LHFPL2: variants seen among roughly 807,000 people sequenced by gnomAD.
LHFPL2 encodes the protein LHFPL tetraspan subfamily member 2, also known as LHFPL tetraspan subfamily member 2 protein.
Under a neutral mutation model 17.5 loss-of-function variants are expected in LHFPL2, and 7 were observed. That is an observed-to-expected ratio of 0.40 (90% CI 0.23 to 0.75). The LOEUF is 0.75. Ranked by LOEUF, LHFPL2 falls within the 30% of genes least tolerant of loss-of-function variation. LHFPL2 has a pLI of 0.37. For missense variants in LHFPL2, 241 were observed against 294.8 expected (o/e 0.82, Z 1.34); for synonymous variants, 134 against 116.2 (o/e 1.15, Z -0.99).
chr5:78,553,532 C>T (rs1486066741), intron 3 of LHFPL2, among the ~76,000 whole-genome samples: 1 of 152,186 alleles, frequency 6.6e-6, no homozygotes, highest in African/African-American at 2.4e-5. Context: ...ATCATATCCC[C>T]TCACCCACTA....
chr5:78,577,338 C>T (rs1757158642), intron 2 of LHFPL2, among the ~76,000 whole-genome samples: 1 of 152,150 alleles, frequency 6.6e-6, no homozygotes, highest in South Asian at 2.1e-4. Context: ...CTTAAGTGAC[C>T]TAATTTTTAT....
At chr5:78,520,440 CTCCAAAAG>C (rs556828132) in intron 3 of LHFPL2, among the ~76,000 whole-genome samples, 2 of 152,332 alleles carry the variant, frequency 1.3e-5, no homozygotes, top group Admixed American at 1.3e-4. Context: ...TCACTTTCAG[CTCCAAAAG>C]TCAGTCACTT....
At chr5:78,518,538 C>T (rs1384962749) in intron 3 of LHFPL2, among the ~76,000 whole-genome samples, 1 of 152,230 alleles carries the variant, frequency 6.6e-6, no homozygotes, top group Non-Finnish European at 1.5e-5. Flanking sequence ...ATGCACACTC[C>T]TCAGGGGAAC....
At chr5:78,489,517 T>C (rs1754367699) in intron 4 of LHFPL2, among the ~76,000 whole-genome samples, 1 of 152,100 alleles carries the variant, frequency 6.6e-6, no homozygotes, top group East Asian at 1.9e-4. Context: ...TATCCTCCTG[T>C]CTCAGCCTCC....
chr5:78,627,171 A>G (rs1745073588), intron 2 of LHFPL2, among the ~76,000 whole-genome samples: 1 of 152,210 alleles, frequency 6.6e-6, no homozygotes, highest in African/African-American at 2.4e-5. Context: ...GCCATCAGAC[A>G]TGAGACAGTA....
Position 78,546,351 on chromosome 5 carries a change from C to A in LHFPL2, c.-186+18462G>T, listed in dbSNP as rs545712404. Among the ~76,000 whole-genome samples, 428 of 152,308 alleles carry A rather than the reference C, an allele frequency of 2.8e-3. 2 individuals are homozygous for A. The highest frequency in any genetic ancestry group is 9.9e-3 in the African/African-American group (410 of 41,572). Reference sequence around the variant, plus strand: ...TTCTGAGGCACTCCACTCACTAAAACCATGAGAGGGACACGGCAGCAGTGT... The same window carrying A: ...TTCTGAGGCACTCCACTCACTAAAAACATGAGAGGGACACGGCAGCAGTGT... On this transcript the variant is annotated intron_variant, in intron 3 of 4. Transcript: ENST00000380345.
intron 3 of LHFPL2, among the ~76,000 whole-genome samples, chr5:78,519,687 C>G (rs575094428): frequency 6.6e-6 from 1 of 152,356 alleles, no homozygotes; most frequent in African/African-American, 2.4e-5. Context: ...AAGTATCAAG[C>G]TTAGAACAGC....
In LHFPL2 at chr5:78,645,539, TGCATAC is replaced by T. The variant is rs1162903942; in HGVS notation, c.-350+2954_-350+2959del. On this transcript the variant is annotated intron_variant, in intron 1 of 4. Transcript: ENST00000380345. ...ATTAACCCCAAGATAGACAGACAGA[TGCATAC>T]ACACACACACACACACACACACACA... Among the ~76,000 whole-genome samples the T allele has an allele frequency of 3.6e-5, 4 of 110,366 alleles. No homozygotes were observed. The East Asian group carries it at 1.0e-3, about 28-fold the overall frequency. The allele number at this position is 110,366 out of a possible 152,430, so 72.4% of individuals were successfully genotyped here. A position where few individuals can be genotyped will look rare whatever the true frequency, so the allele number is the denominator to read the frequency against.
chr5:78,563,224 A>G (rs1355332827), intron 3 of LHFPL2, among the ~76,000 whole-genome samples: 2 of 152,232 alleles, frequency 1.3e-5, no homozygotes, highest in Admixed American at 1.3e-4. Context: ...TGAACAGCAC[A>G]TGGCAGTACT....
At chr5:78,521,593 G>A (rs1032339117) in intron 3 of LHFPL2, among the ~76,000 whole-genome samples, 1 of 152,170 alleles carries the variant, frequency 6.6e-6, no homozygotes, top group Non-Finnish European at 1.5e-5. Flanking sequence ...CAGTAAAACT[G>A]AGCTGATTAG....
At chr5:78,512,254 GTC>G (rs1755154096) in intron 3 of LHFPL2, among the ~76,000 whole-genome samples, 1 of 152,052 alleles carries the variant, frequency 6.6e-6, no homozygotes, top group Non-Finnish European at 1.5e-5. Flanking sequence ...AGTCATTCAT[GTC>G]TAAACTTACC....
intron 4 of LHFPL2, among the ~76,000 whole-genome samples, chr5:78,497,637 TAAAC>T (rs1009432957): frequency 6.6e-5 from 10 of 152,372 alleles, no homozygotes; most frequent in Admixed American, 6.5e-4. Flanking sequence ...ATTACATTTT[TAAAC>T]AAAGCCATTG....
intron 2 of LHFPL2, among the ~76,000 whole-genome samples, chr5:78,616,393 C>A (rs1015617058): frequency 3.9e-5 from 6 of 152,104 alleles, no homozygotes; most frequent in East Asian, 3.9e-4. Flanking sequence ...TCCCAAAGTG[C>A]TGGGATTACA....
At chr5:78,582,197 T>C (rs1366526217) in intron 2 of LHFPL2, among the ~76,000 whole-genome samples, 1 of 152,262 alleles carries the variant, frequency 6.6e-6, no homozygotes, top group Non-Finnish European at 1.5e-5. Context: ...TTAGTCTTGC[T>C]AGCAGTTTAT....
chr5:78,592,171 G>A (rs1288837408), intron 2 of LHFPL2, among the ~76,000 whole-genome samples: 3 of 152,224 alleles, frequency 2.0e-5, no homozygotes, highest in African/African-American at 7.2e-5. Flanking sequence ...GAAGTCAAAT[G>A]CGTGGCAACA....
At position 78,573,919 on chromosome 5, in the gene LHFPL2, A is replaced by G. The variant is rs550625704; in HGVS notation, c.-244-9048T>C. 3.0e-3 allele frequency among the ~76,000 whole-genome samples: 460 copies of G among 152,322 alleles called. 3 individuals carry two copies. The highest frequency in any genetic ancestry group is 0.011 in the African/African-American group (440 of 41,576). ...AATGTTTGAATTTTGTATAATAGGAATGAACACTTGTCTCATCAAAAGTGC... is the reference window on the plus strand; with the variant it reads ...AATGTTTGAATTTTGTATAATAGGAGTGAACACTTGTCTCATCAAAAGTGC... On this transcript the variant is annotated intron_variant, in intron 2 of 4. Coordinates refer to ENST00000380345, the MANE Select transcript of LHFPL2 (RefSeq NM_005779.3).
intron 3 of LHFPL2, among the ~76,000 whole-genome samples, chr5:78,532,617 T>TTAA (rs1755819665): frequency 6.6e-6 from 1 of 152,214 alleles, no homozygotes; most frequent in South Asian, 2.1e-4. Flanking sequence ...TAGGTTTCAG[T>TTAA]TAATAACTGA....
intron 2 of LHFPL2, among the ~76,000 whole-genome samples, chr5:78,580,362 T>A (rs1224084543): frequency 1.3e-5 from 2 of 152,236 alleles, no homozygotes; most frequent in Non-Finnish European, 2.9e-5. Context: ...AGATCCCATT[T>A]GTCAATTCTG....
chr5:78,573,037 G>A (rs1375366127), intron 2 of LHFPL2, among the ~76,000 whole-genome samples: 1 of 152,160 alleles, frequency 6.6e-6, no homozygotes, highest in East Asian at 1.9e-4. Context: ...GTCCTGCTGT[G>A]CAGCTTGGGT....
Sources: gnomAD v4.1 joint callset for allele counts (sites outside exome capture counted in the v4.1 genomes callset) on GRCh38, gnomAD v4.1.1 for gene constraint, MANE v1.5 for transcripts, NCBI Gene and HGNC (gene_info 2026-07-23, HGNC 2026-07-21) for gene names.